DNAH8: variants seen among roughly 807,000 people sequenced by gnomAD.
DNAH8 encodes axonemal beta dynein heavy chain 8.
A neutral mutation model predicts 562.1 loss-of-function variants in DNAH8; 382 were observed. The ratio of observed to expected loss-of-function variants is 0.68; its 90% confidence interval spans 0.63 to 0.74. The LOEUF is 0.74. Among genes scored for constraint, DNAH8 ranks in the 30% least tolerant of loss-of-function variants. The probability of loss-of-function intolerance (pLI) is 0.00; values close to 1 mark genes in which losing one functional copy is unlikely to be tolerated. For missense variants in DNAH8, 5,203 were observed against 5,620.4 expected (o/e 0.93, Z 2.37); for synonymous variants, 1,881 against 1,919.4 (o/e 0.98, Z 0.52).
chr6:38,779,895 G>A (rs901970102), intron 14 of DNAH8, 71 bp from the exon 15 acceptor site: 109 of 1,379,072 alleles, frequency 7.9e-5, no homozygotes, highest in Middle Eastern at 4.6e-4. Flanking sequence ...TGAATGGATG[G>A]TTAGTATGAC....
rs778831256 is a variant in DNAH8 at position 38,750,497 on chromosome 6, A to G, written c.1315A>G (p.Arg439Gly). ...TTAGAATTGGCGTGATTTGGATGCA[A>G]GAATCACTGATACAGCAAATGAATC... ...LLKNWRDLDA[R>G]ITDTANESKD... The change falls in exon 9 of 93, where the codon AGA becomes GGA. Residue 439 changes from arginine to glycine, a missense_variant. Arg to Gly is a moderately radical substitution (Grantham distance 125). This residue lies in a region of DNAH8 where 2,176 missense variants were observed against 2,365.1 expected (regional missense o/e 0.92). Coordinates refer to ENST00000327475, the MANE Select transcript of DNAH8 (RefSeq NM_001206927.2). 6.2e-7 allele frequency: 1 copy of G among 1,611,156 alleles called. No homozygotes were observed. Among genetic ancestry groups the G allele is most frequent in the Non-Finnish European group, 8.5e-7 (1 of 1,178,582 alleles).
intron 7 of DNAH8, 103 bp downstream of exon 7, chr6:38,738,075 C>T: frequency 8.2e-7 from 1 of 1,225,632 alleles, no homozygotes; most frequent in Non-Finnish European, 1.2e-6. Flanking sequence ...TCTCCTTTGA[C>T]TTTCTTCCAG....
At chr6:38,748,636 C>T (rs1395111459) in intron 8 of DNAH8, among the ~76,000 whole-genome samples, 5 of 151,990 alleles carry the variant, frequency 3.3e-5, no homozygotes, top group African/African-American at 9.7e-5. Flanking sequence ...CGCCTGTAAT[C>T]CCAGCACTTT....
In DNAH8 at chr6:38,850,401, A is replaced by G. The variant is rs1324427708; in HGVS notation, c.5350A>G (p.Lys1784Glu). ...HLHEQLEVCQ[K>E]SLTGYLEKKR... ...ACATGAGCAGTTGGAAGTATGTCAGAAGTCACTCACAGGGTAAGAGTTTAA... is the reference window on the plus strand; with the variant it reads ...ACATGAGCAGTTGGAAGTATGTCAGGAGTCACTCACAGGGTAAGAGTTTAA... The change falls in exon 38 of 93, where the codon AAG becomes GAG. Residue 1784 changes from lysine to glutamate, a missense_variant. This residue lies in a region of DNAH8 where 2,176 missense variants were observed against 2,365.1 expected (regional missense o/e 0.92). Transcript: ENST00000327475. 6.2e-7 allele frequency: 1 copy of G among 1,612,960 alleles called. No individual in the cohort carries two copies. The highest frequency in any genetic ancestry group is 1.1e-5 in the South Asian group (1 of 90,762).
At chr6:38,936,500 G>T (rs965903246) in intron 77 of DNAH8, 1 of 152,192 alleles carries the variant, frequency 6.6e-6, no homozygotes, top group East Asian at 1.9e-4. Context: ...CTTATTAGAA[G>T]TGAATGAATA....
chr6:38,980,869 A>G (rs1372228429), intron 85 of DNAH8, among the ~76,000 whole-genome samples: 1 of 152,176 alleles, frequency 6.6e-6, no homozygotes, highest in African/African-American at 2.4e-5. Flanking sequence ...AAACTCAGTA[A>G]TTCAAACCTT....
chr6:38,940,914 G>A (rs1384251377), intron 79 of DNAH8, among the ~76,000 whole-genome samples: 3 of 69,466 alleles, frequency 4.3e-5, no homozygotes, highest in East Asian at 1.7e-3. Context: ...TCAGGAGATC[G>A]AGACCATCCT....
chr6:38,890,678 C>T lies in DNAH8; in HGVS notation c.8500C>T (p.Pro2834Ser), dbSNP rs760626246. 1 of 1,612,958 alleles carries T rather than the reference C, an allele frequency of 6.2e-7. No individual in the cohort carries two copies. The highest frequency in any genetic ancestry group is 8.5e-7 in the Non-Finnish European group (1 of 1,179,100). ...FGIIGCGYFD[P>S]CRSFKPQICE... ...AATTATTGGATGTGGATACTTTGATCCTTGTAGAAGTTTCAAGCCTCAAAT... is the reference window on the plus strand; with the variant it reads ...AATTATTGGATGTGGATACTTTGATTCTTGTAGAAGTTTCAAGCCTCAAAT... Residue 2834 changes from proline (P) to serine (S), a missense_variant, in exon 58 of 93, where the codon CCT (proline) becomes TCT (serine). Coordinates refer to ENST00000327475, the MANE Select transcript of DNAH8 (RefSeq NM_001206927.2).
intron 76 of DNAH8, among the ~76,000 whole-genome samples, chr6:38,933,283 C>T (rs2150581254): frequency 6.6e-6 from 1 of 152,292 alleles, no homozygotes; most frequent in South Asian, 2.1e-4. Context: ...TCCCTAGCTT[C>T]CTCTTCAAGA....
At chr6:38,729,789 T>G (rs1763524851) in intron 3 of DNAH8, 113 bp from the exon 4 acceptor site, 1 of 624,930 alleles carries the variant, frequency 1.6e-6, no homozygotes, top group Non-Finnish European at 2.8e-6. Context: ...TGGGTTCTAA[T>G]CTTGCCTTTA....
intron 53 of DNAH8, among the ~76,000 whole-genome samples, chr6:38,881,277 G>A (rs956516250): frequency 1.3e-5 from 2 of 152,174 alleles, no homozygotes; most frequent in Admixed American, 1.3e-4. Context: ...ATGAGTATTT[G>A]TTCATCATTG....
At chr6:39,006,985 A>G (rs116001481) in intron 88 of DNAH8, among the ~76,000 whole-genome samples, 1 of 152,258 alleles carries the variant, frequency 6.6e-6, no homozygotes, top group African/African-American at 2.4e-5. Context: ...ACTCAAAAAC[A>G]CCAGTTAGTT....
intron 11 of DNAH8, among the ~76,000 whole-genome samples, chr6:38,770,203 A>G (rs191139160): frequency 2.0e-5 from 3 of 152,268 alleles, no homozygotes; most frequent in African/African-American, 7.2e-5. Flanking sequence ...AGTATATGGT[A>G]TGCTTTGATG....
intron 32 of DNAH8, among the ~76,000 whole-genome samples, chr6:38,835,890 T>C (rs1318409687): frequency 6.6e-6 from 1 of 152,124 alleles, no homozygotes; most frequent in Non-Finnish European, 1.5e-5. Context: ...TTTTAAAGAT[T>C]TTTAGTGGTA....
intron 29 of DNAH8, 141 bp from the exon 30 acceptor site, chr6:38,828,043 T>C (rs1773515211): frequency 6.5e-6 from 4 of 612,428 alleles, no homozygotes; most frequent in Non-Finnish European, 8.5e-6. Flanking sequence ...GTGCTTTTCA[T>C]ACACTTTTAA....
rs1417160177 is a variant in DNAH8, at chr6:38,803,241, C to T, written c.2964C>T (p.Val988=). 6.2e-7 allele frequency: 1 copy of T among 1,609,584 alleles called. No individual in the cohort carries two copies. Among genetic ancestry groups the T allele is most frequent in the Non-Finnish European group, 8.5e-7 (1 of 1,177,018 alleles). The part of the protein sequence containing the change: ...NHKSKHVEEA[V]RELISIFEQI... ...AAAGTAAGCATGTGGAAGAAGCTGT[C>T]AGAGAACTTATATCAATATTTGAGC... The change falls in exon 22 of 93, where the codon GTC becomes GTT. Residue 988 remains valine, a synonymous_variant. Coordinates refer to ENST00000327475, the MANE Select transcript of DNAH8 (RefSeq NM_001206927.2).
chr6:38,782,050 T>C (rs141177832), intron 16 of DNAH8, among the ~76,000 whole-genome samples: 1 of 152,134 alleles, frequency 6.6e-6, no homozygotes, highest in Non-Finnish European at 1.5e-5. Flanking sequence ...AGTAATTGTA[T>C]TATTTCAGCA....
Position 38,906,397 on chromosome 6 carries a change from C to A in DNAH8, c.9338C>A (p.Ser3113Tyr). ...AFLEYLNNLLSSGEISNLFAR... is the reference protein window; with the variant it reads ...AFLEYLNNLLYSGEISNLFAR... Reference sequence around the variant, plus strand: ...CTAGAATACCTTAACAACTTGCTATCTTCAGGGGAGGTAAGTCTCAAAAGT... The same window carrying A: ...CTAGAATACCTTAACAACTTGCTATATTCAGGGGAGGTAAGTCTCAAAAGT... The change falls in exon 63 of 93, where the codon TCT becomes TAT. Residue 3113 changes from serine (S) to tyrosine (Y), a missense_variant. Physicochemically the swap from Ser to Tyr is moderately radical, Grantham distance 144 (BLOSUM62 -2). Transcript: ENST00000327475. The A allele has an allele frequency of 1.2e-5, 19 of 1,592,384 alleles. No individual in the cohort carries two copies. Among genetic ancestry groups the A allele is most frequent in the Non-Finnish European group, 1.5e-5 (18 of 1,170,174 alleles).
In DNAH8 at chr6:38,903,608, C is replaced by CT. The variant is rs200663945; in HGVS notation, c.9195-2644dup. The stretch of plus-strand genomic sequence containing the variant: ...TACAATGTTTTCTTTTTCTTTCTTT[C>CT]TTCCTTTTTTTTTTTTTTTTTTGAG... On this transcript the variant is annotated intron_variant, in intron 62 of 92. Transcript: ENST00000327475. Among the ~76,000 whole-genome samples the CT allele has an allele frequency of 4.0e-3, 482 of 120,144 alleles. 20 individuals are homozygous for CT. The highest frequency in any genetic ancestry group is 4.8e-3 in the Non-Finnish European group (303 of 62,626). 78.8% of individuals were successfully genotyped at this position (120,144 alleles called of 152,430 possible).
Sources: allele counts gnomAD v4.1 joint callset (sites outside exome capture counted in the v4.1 genomes callset), GRCh38; gene constraint gnomAD v4.1.1; regional missense constraint gnomAD v4.1.1; transcripts MANE v1.5; gene names NCBI Gene and HGNC (gene_info 2026-07-23, HGNC 2026-07-21).